The following NRXN3 variants were observed in gnomAD, a reference collection of about 807,000 sequenced individuals.
NRXN3 encodes neurexin 3, also known as neurexin III.
NRXN3 carries 32 observed loss-of-function variants against 137.6 expected under a neutral mutation model. That is an observed-to-expected ratio of 0.23 (90% CI 0.18 to 0.31). The LOEUF is 0.31. Among genes scored for constraint, NRXN3 ranks in the 10% least tolerant of loss-of-function variants. NRXN3 has a pLI of 1.00. For synonymous variants in NRXN3, 798 were observed against 784.5 expected (o/e 1.02, Z -0.29); for missense variants, 1,574 against 2,062.5 (o/e 0.76, Z 4.59).
intron 4 of NRXN3, among the ~76,000 whole-genome samples, chr14:78,533,690 G>A (rs1480867190): frequency 2.6e-5 from 4 of 152,068 alleles, no homozygotes; most frequent in Non-Finnish European, 4.4e-5. Context: ...TAGTTAACTC[G>A]TGGTCATCTG....
chr14:79,541,260 G>A (rs928890712), intron 16 of NRXN3, among the ~76,000 whole-genome samples: 8 of 152,036 alleles, frequency 5.3e-5, no homozygotes, highest in Non-Finnish European at 7.4e-5. Flanking sequence ...AAAATTAGCC[G>A]GGTGTGGTGG....
At chr14:79,637,633 A>G (rs2098410977) in intron 16 of NRXN3, among the ~76,000 whole-genome samples, 1 of 151,610 alleles carries the variant, frequency 6.6e-6, no homozygotes, top group Admixed American at 6.6e-5. Context: ...GTTCTTCTGG[A>G]TCTGGTTGGA....
intron 4 of NRXN3, among the ~76,000 whole-genome samples, chr14:78,585,331 T>C (rs2097051895): frequency 6.6e-6 from 1 of 152,034 alleles, no homozygotes; most frequent in African/African-American, 2.4e-5. Flanking sequence ...GGGGCCTGTG[T>C]GGCTAGTACA....
intron 13 of NRXN3, among the ~76,000 whole-genome samples, chr14:78,967,961 G>A (rs905924430): frequency 6.8e-6 from 1 of 147,326 alleles, no homozygotes; most frequent in Non-Finnish European, 1.5e-5. Flanking sequence ...TTTTTGAGAT[G>A]GTATATATAA....
intron 10 of NRXN3, among the ~76,000 whole-genome samples, chr14:78,857,282 T>C (rs146405021): frequency 7.3e-4 from 110 of 151,070 alleles, no homozygotes; most frequent in African/African-American, 2.2e-3. Flanking sequence ...AACATTTACA[T>C]TGGAAGATGA....
At chr14:78,825,276 G>A (rs182238388) in intron 10 of NRXN3, among the ~76,000 whole-genome samples, 1 of 151,246 alleles carries the variant, frequency 6.6e-6, no homozygotes, top group East Asian at 1.9e-4. Flanking sequence ...GCTTCTGTAA[G>A]CTTCAAAAAT....
chr14:78,458,826 T>C (rs2094833253), intron 4 of NRXN3, among the ~76,000 whole-genome samples: 1 of 152,208 alleles, frequency 6.6e-6, no homozygotes, highest in Non-Finnish European at 1.5e-5. Context: ...CAAATTCCTC[T>C]AGAGTGATAC....
At chr14:79,541,802 C>T (rs1010363268) in intron 16 of NRXN3, among the ~76,000 whole-genome samples, 24 of 152,138 alleles carry the variant, frequency 1.6e-4, no homozygotes, top group South Asian at 1.0e-3. Context: ...CTCATTGTTT[C>T]GATGAGGACA....
intron 19 of NRXN3, among the ~76,000 whole-genome samples, chr14:79,804,726 T>C (rs993005609): frequency 2.6e-5 from 4 of 152,216 alleles, no homozygotes; most frequent in Non-Finnish European, 5.9e-5. Context: ...ACAATGTATG[T>C]CTGTGTTGCT....
chr14:78,723,530 GT>G (rs1468237752), intron 8 of NRXN3, among the ~76,000 whole-genome samples: 1 of 152,150 alleles, frequency 6.6e-6, no homozygotes, highest in Non-Finnish European at 1.5e-5. Context: ...TTAAGCAGAT[GT>G]AGCTGAGAGT....
chr14:79,815,406 G>A (rs1031865762), intron 20 of NRXN3, among the ~76,000 whole-genome samples: 9 of 152,174 alleles, frequency 5.9e-5, no homozygotes, highest in Non-Finnish European at 1.2e-4. Context: ...AAAAGAGAAA[G>A]CATATCCAGA....
At chr14:78,478,761 C>T (rs774592848) in intron 4 of NRXN3, among the ~76,000 whole-genome samples, 3 of 152,070 alleles carry the variant, frequency 2.0e-5, no homozygotes, top group Non-Finnish European at 4.4e-5. Context: ...AAAAGAAGAC[C>T]GAGGGTAGGT....
intron 4 of NRXN3, chr14:78,602,429 C>T (rs1413941165): frequency 3.3e-5 from 5 of 152,190 alleles, no homozygotes; most frequent in Non-Finnish European, 5.9e-5. Flanking sequence ...GGGCACCTGA[C>T]GTCCTTCCTT....
intron 15 of NRXN3, among the ~76,000 whole-genome samples, chr14:79,342,270 T>C (rs1566854237): frequency 6.6e-6 from 1 of 152,164 alleles, no homozygotes; most frequent in Non-Finnish European, 1.5e-5. Flanking sequence ...TGATGCTGGG[T>C]TGAAATAGTC....
At chr14:78,272,819 A>C (rs1360143667) in intron 2 of NRXN3, among the ~76,000 whole-genome samples, 1 of 152,120 alleles carries the variant, frequency 6.6e-6, no homozygotes, top group African/African-American at 2.4e-5. Context: ...AAATAGGATG[A>C]ATACCGTTTC....
At chr14:78,821,351 G>A (rs1350143727) in intron 10 of NRXN3, among the ~76,000 whole-genome samples, 9 of 148,996 alleles carry the variant, frequency 6.0e-5, no homozygotes, top group East Asian at 1.9e-4. Flanking sequence ...ACACAAAAGC[G>A]AGAGAGAGGA....
chr14:79,317,350 G>A (rs1598637976), intron 15 of NRXN3, among the ~76,000 whole-genome samples: 1 of 152,164 alleles, frequency 6.6e-6, no homozygotes, highest in African/African-American at 2.4e-5. Flanking sequence ...GCATTCTTTG[G>A]TTTGCAGCTG....
intron 16 of NRXN3, among the ~76,000 whole-genome samples, chr14:79,495,324 A>G (rs1441473986): frequency 2.0e-5 from 3 of 152,234 alleles, no homozygotes; most frequent in Non-Finnish European, 4.4e-5. Context: ...TTTATCCCTT[A>G]GGTACAAGGA....
At chr14:78,712,419 CA>C (rs2098413453) in intron 7 of NRXN3, among the ~76,000 whole-genome samples, 1 of 152,150 alleles carries the variant, frequency 6.6e-6, no homozygotes, top group East Asian at 1.9e-4. Context: ...GATTGAAAAA[CA>C]AAAGGCAAAG....
Sources: gnomAD v4.1 joint callset for allele counts (sites outside exome capture counted in the v4.1 genomes callset) on GRCh38, gnomAD v4.1.1 for gene constraint, MANE v1.5 for transcripts, NCBI Gene and HGNC (gene_info 2026-07-23, HGNC 2026-07-21) for gene names.